TXNDC11: variants seen among roughly 807,000 people sequenced by gnomAD.
TXNDC11 encodes thioredoxin domain containing 11, also known as thioredoxin domain-containing protein 11.
TXNDC11 carries 68 observed loss-of-function variants against 78.0 expected under a neutral mutation model. That is an observed-to-expected ratio of 0.87 (90% CI 0.72 to 1.07). The LOEUF (loss-of-function observed/expected upper bound fraction) is 1.07, where lower values mean the gene tolerates loss of function less well. Among genes scored for constraint, TXNDC11 ranks in the 50% least tolerant of loss-of-function variants. The pLI, the probability that TXNDC11 is intolerant of heterozygous loss-of-function variation, is 0.00. For missense variants in TXNDC11, 1,389 were observed against 1,221.8 expected, an observed-to-expected ratio of 1.14 and a Z score of -2.04; for synonymous variants, 571 against 495.2, an observed-to-expected ratio of 1.15 and a Z score of -2.03.
At chr16:11,715,656 T>C (rs2051507683) in intron 5 of TXNDC11, among the ~76,000 whole-genome samples, 2 of 152,090 alleles carry the variant, frequency 1.3e-5, no homozygotes, top group African/African-American at 4.8e-5. Flanking sequence ...TGTGGAGCTG[T>C]AGGAGCAACA....
At position 11,698,363 on chromosome 16, in the gene TXNDC11, C is replaced by T. The variant is rs188932796; in HGVS notation, c.907-38G>A. On this transcript the variant is annotated intron_variant, in intron 6 of 11. Coordinates refer to ENST00000283033, the MANE Select transcript of TXNDC11 (RefSeq NM_015914.7). Reference sequence around the variant, plus strand: ...AAGGCACAGAGGATAAAGGAGAGCTCGTGAGGTGGGGCAAGCTCAAGGCAC... The same window carrying T: ...AAGGCACAGAGGATAAAGGAGAGCTTGTGAGGTGGGGCAAGCTCAAGGCAC... 972 of 1,592,694 alleles carry T rather than the reference C, an allele frequency of 6.1e-4. 2 individuals carry two copies. Among genetic ancestry groups the T allele is most frequent in the Non-Finnish European group, 3.5e-4 (404 of 1,162,742 alleles).
chr16:11,727,649 A>G (rs886415365), intron 4 of TXNDC11, among the ~76,000 whole-genome samples: 2 of 151,610 alleles, frequency 1.3e-5, no homozygotes, highest in African/African-American at 4.9e-5. Flanking sequence ...ACCCCTAGCT[A>G]TAATTTCCAC....
In TXNDC11 at chr16:11,679,949, C is replaced by T. The variant is rs1469729854; in HGVS notation, c.2235-112G>A. 1.2e-5 allele frequency: 12 copies of T among 962,636 alleles called. No individual in the cohort carries two copies. In the East Asian group the frequency reaches 2.0e-4, roughly 16 times the overall value. The allele number at this position is 962,636 out of a possible 1,614,324, so 59.6% of individuals were successfully genotyped here. A position where few individuals can be genotyped will look rare whatever the true frequency, so the allele number is the denominator to read the frequency against. ...TACTTCTCACCAAGAAAAGACGTTC[C>T]GTGGATTTTACTTACTGAAAGTAAG... On this transcript the variant is annotated intron_variant, in intron 11 of 11. Transcript: ENST00000283033. This position sits in a 1 kb window ranked among gnomAD's most constrained non-coding sequence, Gnocchi z 4.6.
chr16:11,716,658 AGAAAG>A, intron 5 of TXNDC11, among the ~76,000 whole-genome samples: 1 of 152,382 alleles, frequency 6.6e-6, no homozygotes, highest in South Asian at 2.1e-4. Context: ...CTGTGCACCT[AGAAAG>A]GAAAGCTAAA....
chr16:11,686,659 A>T (rs2050575092), intron 10 of TXNDC11, among the ~76,000 whole-genome samples: 1 of 152,230 alleles, frequency 6.6e-6, no homozygotes, highest in Non-Finnish European at 1.5e-5. Flanking sequence ...ATGTTAAATG[A>T]TACTTTGTTA....
chr16:11,742,765 C>A lies in TXNDC11; in HGVS notation c.-35G>T, dbSNP rs768519090. On this transcript the variant is annotated 5_prime_UTR_variant, in exon 1 of 12. Coordinates refer to ENST00000283033, the MANE Select transcript of TXNDC11 (RefSeq NM_015914.7). ...CCAGTCGCCGGCTTTATACCGCCGC[C>A]GCCGCCTCGGGCCCGAAGGCCCGGC... 1 of 1,428,428 alleles carries A rather than the reference C, an allele frequency of 7.0e-7. No homozygotes were observed. Among genetic ancestry groups the A allele is most frequent in the Non-Finnish European group, 9.1e-7 (1 of 1,098,894 alleles). The allele number at this position is 1,428,428 out of a possible 1,614,324, so 88.5% of individuals were successfully genotyped here. A position where few individuals can be genotyped will look rare whatever the true frequency, so the allele number is the denominator to read the frequency against.
At chr16:11,691,038 T>C in intron 8 of TXNDC11, 1 of 499,586 alleles carries the variant, frequency 2.0e-6, no homozygotes, top group South Asian at 2.4e-5. Context: ...ATTTAGAAAG[T>C]GGGACTCTTA....
At chr16:11,693,062 TC>T (rs374148651) in intron 7 of TXNDC11, among the ~76,000 whole-genome samples, 5 of 152,100 alleles carry the variant, frequency 3.3e-5, no homozygotes, top group African/African-American at 1.2e-4. Context: ...ACATCCCTCT[TC>T]CCCACAAACT....
At chr16:11,713,416 T>A (rs188930465) in intron 5 of TXNDC11, among the ~76,000 whole-genome samples, 1 of 152,114 alleles carries the variant, frequency 6.6e-6, no homozygotes, top group East Asian at 1.9e-4. Context: ...AAGTATGGAA[T>A]TTTTTTTCCT....
Position 11,679,247 on chromosome 16 carries a change from T to G in TXNDC11, c.2825A>C (p.Asn942Thr), listed in dbSNP as rs369749233. The G allele has an allele frequency of 6.2e-7, 1 of 1,613,480 alleles. No individual in the cohort carries two copies. Among genetic ancestry groups the G allele is most frequent in the Non-Finnish European group, 8.5e-7 (1 of 1,180,018 alleles). ...TTCAGACACCAGTGTGGCGCTGACA[T>G]TGGCAGGTGGAGGGGAGCTGCCAGG... ...QLPGSSPPPA[N>T]VSATLVSERN... The change falls in exon 12 of 12, where the codon AAT becomes ACT. Residue 942 changes from asparagine (N) to threonine (T), a missense_variant. Physicochemically the swap from Asn to Thr is moderately conservative, Grantham distance 65. Transcript: ENST00000283033. The surrounding 1 kb of genome is among the most constrained non-coding windows in gnomAD (Gnocchi z 4.6).
chr16:11,715,465 A>C (rs1271060848), intron 5 of TXNDC11, among the ~76,000 whole-genome samples: 1 of 43,574 alleles, frequency 2.3e-5, no homozygotes, highest in Non-Finnish European at 5.9e-5. Flanking sequence ...GTCACGGCAA[A>C]AAAAAAAAAA....
At chr16:11,705,538 C>T (rs956949627) in intron 5 of TXNDC11, among the ~76,000 whole-genome samples, 3 of 152,090 alleles carry the variant, frequency 2.0e-5, no homozygotes, top group African/African-American at 7.2e-5. Flanking sequence ...CATTTGATAG[C>T]CTGCCAAAGT....
intron 5 of TXNDC11, among the ~76,000 whole-genome samples, chr16:11,715,906 C>T (rs1362617050): frequency 3.3e-5 from 5 of 152,174 alleles, no homozygotes; most frequent in Admixed American, 6.5e-5. Flanking sequence ...GAGGTGCTTT[C>T]AACCAGATGG....
At chr16:11,708,331 A>G (rs942567407) in intron 5 of TXNDC11, among the ~76,000 whole-genome samples, 1 of 152,212 alleles carries the variant, frequency 6.6e-6, no homozygotes. Flanking sequence ...AAGAATAATT[A>G]TCTTTAAGAA....
chr16:11,735,342 T>C (rs1308312636), intron 2 of TXNDC11, among the ~76,000 whole-genome samples: 2 of 152,194 alleles, frequency 1.3e-5, no homozygotes, highest in Admixed American at 6.5e-5. Context: ...CTAAAATATA[T>C]ATCATTTAGT....
intron 5 of TXNDC11, among the ~76,000 whole-genome samples, chr16:11,714,454 AC>A (rs1954927307): frequency 6.6e-6 from 1 of 152,140 alleles, no homozygotes; most frequent in Non-Finnish European, 1.5e-5. Flanking sequence ...GCTGGCGAAA[AC>A]GGTGAAACCC....
At chr16:11,733,399 T>C (rs1305560662) in intron 3 of TXNDC11, among the ~76,000 whole-genome samples, 1 of 151,722 alleles carries the variant, frequency 6.6e-6, no homozygotes, top group Non-Finnish European at 1.5e-5. Context: ...GGGAGGTGGG[T>C]GCCTGTAGTC....
rs752931807 is a variant in TXNDC11 at position 11,679,488 on chromosome 16, G to C, written c.2584C>G (p.Leu862Val). 5 of 1,613,572 alleles carry C rather than the reference G, an allele frequency of 3.1e-6. No homozygotes were observed. In the South Asian group the frequency reaches 5.5e-5, roughly 18 times the overall value. Residue 862 changes from leucine (L) to valine (V), a missense_variant, in exon 12 of 12, where the codon CTC becomes GTC. By Grantham distance (32) the Leu-to-Val change is conservative (BLOSUM62 1). Transcript: ENST00000283033. This position sits in a 1 kb window ranked among gnomAD's most constrained non-coding sequence, Gnocchi z 4.6. Reference protein sequence around the residue: ...LHAHSEQLQALYEQKTRELQE... With the variant: ...LHAHSEQLQAVYEQKTRELQE... ...AGCTCACGTGTCTTCTGCTCATAGA[G>C]GGCCTGCAGCTGCTCACTGTGTGCG...
chr16:11,710,551 G>T (rs1392952835), intron 5 of TXNDC11, among the ~76,000 whole-genome samples: 2 of 152,112 alleles, frequency 1.3e-5, no homozygotes, highest in African/African-American at 4.8e-5. Context: ...CAGGATACTT[G>T]CTATTAAAAT....
Sources: gnomAD v4.1 joint callset for allele counts (sites outside exome capture counted in the v4.1 genomes callset) on GRCh38, gnomAD v4.1.1 for gene constraint, Gnocchi (gnomAD v3.1) non-coding constraint, MANE v1.5 for transcripts, NCBI Gene and HGNC (gene_info 2026-07-23, HGNC 2026-07-21) for gene names.